TMX3: variants seen among roughly 807,000 people sequenced by gnomAD.
TMX3 encodes thioredoxin related transmembrane protein 3.
A neutral mutation model predicts 64.4 loss-of-function variants in TMX3; 40 were observed. That is an observed-to-expected ratio of 0.62 (90% CI 0.48 to 0.81). The LOEUF (loss-of-function observed/expected upper bound fraction) is 0.81. Among genes scored for constraint, TMX3 ranks in the 30% least tolerant of loss-of-function variants. The pLI, the probability that TMX3 is intolerant of heterozygous loss-of-function variation, is 0.00. For missense variants in TMX3, 497 were observed against 534.5 expected (o/e 0.93, Z 0.69); for synonymous variants, 189 against 175.7 (o/e 1.08, Z -0.60).
At chr18:68,681,693 C>G (rs1913450923) in intron 13 of TMX3, 1 of 939,588 alleles carries the variant, frequency 1.1e-6, no homozygotes, top group African/African-American at 1.8e-5. Flanking sequence ...CCAAAATAAC[C>G]TAATACATTG....
intron 1 of TMX3, chr18:68,714,579 C>T (rs992512378): frequency 2.8e-6 from 1 of 360,884 alleles, no homozygotes; most frequent in Non-Finnish European, 5.1e-6. Context: ...AGACTCGGAA[C>T]CTAAAGCCAA....
chr18:68,687,228 TGTTTGC>T (rs1357679503), intron 10 of TMX3: 4 of 985,324 alleles, frequency 4.1e-6, no homozygotes, highest in Non-Finnish European at 3.6e-6. Context: ...TTCGTGTTTG[TGTTTGC>T]GTTGCCTGTC....
At chr18:68,708,047 ATATATATGTG>A (rs1568203505) in intron 4 of TMX3, among the ~76,000 whole-genome samples, 5 of 125,646 alleles carry the variant, frequency 4.0e-5, no homozygotes, top group African/African-American at 2.5e-4. Flanking sequence ...ATATATGTGT[ATATATATGTG>A]TATATATATG....
intron 9 of TMX3, chr18:68,689,160 C>T (rs189393035): frequency 3.7e-4 from 57 of 152,240 alleles, no homozygotes; most frequent in African/African-American, 1.3e-3. Flanking sequence ...AAAGTAAAGC[C>T]TTTGCTTTGT....
At chr18:68,692,661 C>T (rs1039014744) in intron 8 of TMX3, among the ~76,000 whole-genome samples, 3 of 152,068 alleles carry the variant, frequency 2.0e-5, no homozygotes. Context: ...TGTGAAGTAA[C>T]TATTATTTCC....
chr18:68,687,152 GCTT>G lies in TMX3; in HGVS notation c.736+512_736+514del, dbSNP rs145824806. The G allele has an allele frequency of 8.5e-4, 837 of 984,826 alleles. 8 individuals carry two copies. In the East Asian group the frequency reaches 0.034, roughly 40 times the overall value. The allele number at this position is 984,826 out of a possible 1,614,324, so 61.0% of individuals were successfully genotyped here. On this transcript the variant is annotated intron_variant, in intron 10 of 15. Transcript: ENST00000299608. ...CACTTTCTCCTAAAACTTACAGTTA[GCTT>G]CTTATTTTTATAGTTTGCATCTGAG...
At chr18:68,712,354 C>A (rs1274297700) in intron 2 of TMX3, among the ~76,000 whole-genome samples, 1 of 151,160 alleles carries the variant, frequency 6.6e-6, no homozygotes, top group Non-Finnish European at 1.5e-5. Context: ...GTCTGACAAG[C>A]AAGCAGCTTT....
intron 8 of TMX3, among the ~76,000 whole-genome samples, chr18:68,692,633 T>C (rs1185229567): frequency 6.6e-6 from 1 of 151,986 alleles, no homozygotes; most frequent in African/African-American, 2.4e-5. Flanking sequence ...TCTATGGGAG[T>C]AAAACTCCTC....
intron 12 of TMX3, 27 bp downstream of exon 12, chr18:68,684,163 G>A: frequency 6.4e-7 from 1 of 1,552,738 alleles, no homozygotes; most frequent in Non-Finnish European, 8.8e-7. Flanking sequence ...CAAAAATAAA[G>A]GAATCTCTCA....
intron 6 of TMX3, among the ~76,000 whole-genome samples, chr18:68,699,357 G>A (rs563074548): frequency 6.6e-6 from 1 of 152,082 alleles, no homozygotes; most frequent in South Asian, 2.1e-4. Context: ...AATCCTGGGA[G>A]GATTCAGTAC....
chr18:68,701,691 T>TCC, intron 5 of TMX3, 54 bp downstream of exon 5: 1 of 1,608,408 alleles, frequency 6.2e-7, no homozygotes. Flanking sequence ...TAATAAAATG[T>TCC]AAGTAGAGTG....
At position 68,676,778 on chromosome 18, in the gene TMX3, A is replaced by G; in HGVS notation, c.*155T>C. 1 of 884,788 alleles carries G rather than the reference A, an allele frequency of 1.1e-6. No individual in the cohort carries two copies. Among genetic ancestry groups the G allele is most frequent in the Non-Finnish European group, 1.7e-6 (1 of 598,298 alleles). The allele number at this position is 884,788 out of a possible 1,614,324, so 54.8% of individuals were successfully genotyped here. On this transcript the variant is annotated 3_prime_UTR_variant, in exon 16 of 16. Coordinates refer to ENST00000299608, the MANE Select transcript of TMX3 (RefSeq NM_019022.5). ...ATCTCTTTGCTCCAAACACTTCCCC[A>G]TGTATGGAGGGACTACTTTAATCCA...
chr18:68,674,711 G>A lies in TMX3; in HGVS notation c.*2222C>T, dbSNP rs1019584008. On this transcript the variant is annotated 3_prime_UTR_variant, in exon 16 of 16. Transcript: ENST00000299608. ...TCTGTTTTGTGAATAGTCTGACAAT[G>A]TAAATAAACATCTCCCAAAGTAGAG... is the stretch of plus-strand genomic sequence containing the variant. 2.0e-5 allele frequency: 3 copies of A among 152,010 alleles called. No individual in the cohort carries two copies. 9.4% of individuals were successfully genotyped at this position (152,010 alleles called of 1,614,324 possible). A position where few individuals can be genotyped will look rare whatever the true frequency, so the allele number is the denominator to read the frequency against.
At chr18:68,677,214 C>T (rs747525309) in intron 15 of TMX3, 21 bp from the exon 16 acceptor site, 6 of 1,603,552 alleles carry the variant, frequency 3.7e-6, no homozygotes, top group Non-Finnish European at 5.1e-6. Context: ...AGAATTAAAA[C>T]TCAGTTCCCT....
chr18:68,711,300 G>A lies in TMX3; in HGVS notation c.141+64C>T, dbSNP rs187289226. The A allele has an allele frequency of 7.9e-5, 103 of 1,297,818 alleles. No homozygotes were observed. The East Asian group carries it at 1.9e-3, about 24-fold the overall frequency. 80.4% of individuals were successfully genotyped at this position (1,297,818 alleles called of 1,614,324 possible). ...TTTACTGCCATTTTTGGGTAGAGTA[G>A]AATAGAAAATAATACTTAAAATGGT... On this transcript the variant is annotated intron_variant, in intron 3 of 15. Transcript: ENST00000299608.
At chr18:68,712,526 T>C (rs2031390902) in intron 2 of TMX3, among the ~76,000 whole-genome samples, 1 of 152,100 alleles carries the variant, frequency 6.6e-6, no homozygotes, top group Non-Finnish European at 1.5e-5. Context: ...TTTTCCACAT[T>C]TAGCTGACGA....
At position 68,679,443 on chromosome 18, in the gene TMX3, C is replaced by T. The variant is rs1416932205; in HGVS notation, c.1104+20G>A. The T allele has an allele frequency of 3.1e-6, 5 of 1,594,830 alleles. No individual in the cohort carries two copies. The highest frequency in any genetic ancestry group is 3.4e-6 in the Non-Finnish European group (4 of 1,168,164). ...CCTATATCTTCTTCATTATCAATGA[C>T]ATAAACTGTCACAACTTACCACAAT... On this transcript the variant is annotated intron_variant, in intron 15 of 15. Transcript: ENST00000299608.
At chr18:68,706,472 CAG>C (rs2030680872) in intron 4 of TMX3, 2 of 151,902 alleles carry the variant, frequency 1.3e-5, no homozygotes, top group African/African-American at 4.8e-5. Flanking sequence ...ATAAAAAATA[CAG>C]ACTCTCAAGA....
At chr18:68,706,954 G>C (rs2030737238) in intron 4 of TMX3, among the ~76,000 whole-genome samples, 1 of 152,134 alleles carries the variant, frequency 6.6e-6, no homozygotes, top group Non-Finnish European at 1.5e-5. Flanking sequence ...TTCCATCACT[G>C]ACATTTAACT....
Sources: allele counts gnomAD v4.1 joint callset (sites outside exome capture counted in the v4.1 genomes callset), GRCh38; gene constraint gnomAD v4.1.1; transcripts MANE v1.5; gene names NCBI Gene and HGNC (gene_info 2026-07-23, HGNC 2026-07-21).